Variants in NDUFA12 observed in about 807,000 individuals in gnomAD.
NDUFA12 encodes the protein NADH:ubiquinone oxidoreductase subunit A12, also known as NADH dehydrogenase [ubiquinone] 1 alpha subcomplex subunit 12.
A neutral mutation model predicts 20.3 loss-of-function variants in NDUFA12; 17 were observed. The ratio of observed to expected loss-of-function variants is 0.84; its 90% CI spans 0.57 to 1.26. The LOEUF (loss-of-function observed/expected upper bound fraction) is 1.26, where lower values mean the gene tolerates loss of function less well. Among genes scored for constraint, NDUFA12 ranks in the 50% most tolerant of loss-of-function variants. The pLI is 0.00. For missense variants in NDUFA12, 191 were observed against 183.7 expected, an observed-to-expected ratio of 1.04 and a Z score of -0.23; for synonymous variants, 72 against 63.6, an observed-to-expected ratio of 1.13 and a Z score of -0.63.
intron 3 of NDUFA12, among the ~76,000 whole-genome samples, chr12:94,977,486 C>T (rs535645677): frequency 6.6e-6 from 1 of 151,848 alleles, no homozygotes; most frequent in Non-Finnish European, 1.5e-5. Context: ...AAAAAAACAC[C>T]CCTCCGCCCC....
intron 3 of NDUFA12, among the ~76,000 whole-genome samples, chr12:94,980,487 T>C (rs7297214): frequency 0.87 from 132,236 of 152,076 alleles, 57,593 homozygotes; most frequent in Admixed American, 0.91. Context: ...ACCACCACGA[T>C]GTTAAGCATC....
At chr12:94,996,330 C>T (rs1001665618) in intron 2 of NDUFA12, among the ~76,000 whole-genome samples, 5 of 41,356 alleles carry the variant, frequency 1.2e-4, no homozygotes, top group African/African-American at 3.3e-4. Flanking sequence ...TAGGTACACA[C>T]ACACACACAC....
intron 3 of NDUFA12, among the ~76,000 whole-genome samples, chr12:94,973,021 C>A (rs1366536807): frequency 6.9e-6 from 1 of 144,190 alleles, no homozygotes; most frequent in Non-Finnish European, 1.5e-5. Flanking sequence ...AACTGCAGCC[C>A]GGGGGTGGGG....
rs1018076990 is a variant in NDUFA12, at chr12:94,971,422, A to G, written c.*18T>C. 5.5e-5 allele frequency: 89 copies of G among 1,612,132 alleles called. No individual in the cohort carries two copies. Among genetic ancestry groups the G allele is most frequent in the Non-Finnish European group, 7.5e-5 (88 of 1,178,162 alleles). The stretch of plus-strand genomic sequence containing the variant: ...AAAAGCTCCATATTTTGCATGTTTC[A>G]ACTGTTCTTCATTGTCTTTACTTGT... On this transcript the variant is annotated 3_prime_UTR_variant, in exon 4 of 4. Coordinates refer to ENST00000327772, the MANE Select transcript of NDUFA12 (RefSeq NM_018838.5).
intron 2 of NDUFA12, among the ~76,000 whole-genome samples, chr12:95,002,304 G>T (rs1196372294): frequency 6.6e-6 from 1 of 151,570 alleles, no homozygotes; most frequent in Non-Finnish European, 1.5e-5. Context: ...AGCCGGCCAT[G>T]GTGGCGCCCG....
Position 95,001,046 on chromosome 12 carries a change from C to T in NDUFA12, c.169+1693G>A, listed in dbSNP as rs375606907. On this transcript the variant is annotated intron_variant, in intron 2 of 3. Coordinates refer to ENST00000327772, the MANE Select transcript of NDUFA12 (RefSeq NM_018838.5). ...ATTTACTAGCACGGTGGCTCATGCCCGTGATCCCAGCACTTTGGGAGGCTG... is the reference window on the plus strand; with the variant it reads ...ATTTACTAGCACGGTGGCTCATGCCTGTGATCCCAGCACTTTGGGAGGCTG... Among the ~76,000 whole-genome samples the T allele has an allele frequency of 6.6e-5, 10 of 152,146 alleles. No homozygotes were observed. The East Asian group carries it at 9.6e-4, about 15-fold the overall frequency.
intron 3 of NDUFA12, among the ~76,000 whole-genome samples, chr12:94,981,266 C>T (rs1257090238): frequency 4.9e-5 from 4 of 81,504 alleles, no homozygotes; most frequent in Non-Finnish European, 7.2e-5. Context: ...ACTGTCTCTA[C>T]TAAATACATA....
rs1875153493 is a variant in NDUFA12, at chr12:95,003,666, C to T, written c.15G>A (p.Gln5=). ...TCTGCTGCAGCCCGCGTTTCAGGACCTGCACTAACTCCATCTTGCCTCGCT... is the reference window on the plus strand; with the variant it reads ...TCTGCTGCAGCCCGCGTTTCAGGACTTGCACTAACTCCATCTTGCCTCGCT... The part of the protein sequence containing the change: MELV[Q]VLKRGLQQIT... Residue 5 remains glutamine, a synonymous_variant, in exon 1 of 4, where the codon CAG becomes CAA. Coordinates refer to ENST00000327772, the MANE Select transcript of NDUFA12 (RefSeq NM_018838.5). 6.2e-7 allele frequency: 1 copy of T among 1,614,088 alleles called. No homozygotes were observed. Among genetic ancestry groups the T allele is most frequent in the Non-Finnish European group, 8.5e-7 (1 of 1,180,058 alleles).
chr12:95,002,593 C>G, intron 2 of NDUFA12, 146 bp downstream of exon 2: 1 of 687,224 alleles, frequency 1.5e-6, no homozygotes, highest in Non-Finnish European at 2.5e-6. Flanking sequence ...TTTCTTTTTT[C>G]TGTAAATTAT....
Position 95,003,671 on chromosome 12 carries a change from C to T in NDUFA12, c.10G>A (p.Val4Met), listed in dbSNP as rs1393938292. The change falls in exon 1 of 4, where the codon GTG becomes ATG. Residue 4 changes from valine to methionine, a missense_variant. By Grantham distance (21) the Val-to-Met change is conservative. Coordinates refer to ENST00000327772, the MANE Select transcript of NDUFA12 (RefSeq NM_018838.5). Reference protein sequence around the residue: MELVQVLKRGLQQI... With the variant: MELMQVLKRGLQQI... Reference sequence around the variant, plus strand: ...TGCAGCCCGCGTTTCAGGACCTGCACTAACTCCATCTTGCCTCGCTGGCCC... The same window carrying T: ...TGCAGCCCGCGTTTCAGGACCTGCATTAACTCCATCTTGCCTCGCTGGCCC... 9 of 1,614,212 alleles carry T rather than the reference C, an allele frequency of 5.6e-6. No individual in the cohort carries two copies. Among genetic ancestry groups the T allele is most frequent in the Non-Finnish European group, 5.9e-6 (7 of 1,180,048 alleles).
intron 1 of NDUFA12, 41 bp downstream of exon 1, chr12:95,003,554 G>A: frequency 3.1e-6 from 5 of 1,599,314 alleles, no homozygotes; most frequent in African/African-American, 2.7e-5. Flanking sequence ...GCCAGCGAAA[G>A]TCCAGCCCCA....
intron 3 of NDUFA12, among the ~76,000 whole-genome samples, chr12:94,985,171 T>A (rs188446579): frequency 6.6e-6 from 1 of 151,832 alleles, no homozygotes; most frequent in African/African-American, 2.4e-5. Flanking sequence ...AAAAAAATTT[T>A]TAAATTAGTC....
chr12:94,988,287 G>C (rs1874519842), intron 3 of NDUFA12, among the ~76,000 whole-genome samples: 1 of 152,124 alleles, frequency 6.6e-6, no homozygotes, highest in South Asian at 2.1e-4. Flanking sequence ...TTACTTTCCT[G>C]ATATTTATGG....
intron 3 of NDUFA12, among the ~76,000 whole-genome samples, chr12:94,974,225 G>A (rs2136057770): frequency 6.6e-6 from 1 of 152,110 alleles, no homozygotes; most frequent in Admixed American, 6.6e-5. Flanking sequence ...GCCCGCCTCG[G>A]CCTCCCAAAG....
intron 3 of NDUFA12, among the ~76,000 whole-genome samples, chr12:94,976,097 T>C (rs1874057119): frequency 6.6e-6 from 1 of 152,180 alleles, no homozygotes; most frequent in Non-Finnish European, 1.5e-5. Context: ...ATATATGTTT[T>C]AAAAGCGGGT....
intron 3 of NDUFA12, among the ~76,000 whole-genome samples, chr12:94,990,171 C>T (rs1356980919): frequency 6.6e-6 from 1 of 151,864 alleles, no homozygotes; most frequent in Non-Finnish European, 1.5e-5. Flanking sequence ...AGCAAACCAT[C>T]ATGGCACATG....
At chr12:95,002,921 G>C (rs1875110767) in intron 1 of NDUFA12, 100 bp from the exon 2 acceptor site, 1 of 988,940 alleles carries the variant, frequency 1.0e-6, no homozygotes, top group Admixed American at 1.7e-5. Context: ...CACAAGGGCT[G>C]CTGCATCAAC....
Position 94,975,394 on chromosome 12 carries a change from A to G in NDUFA12, c.258-3774T>C, listed in dbSNP as rs113259877. ...TAATCAAGGCAATGCACATTAAGGT[A>G]TAATTTTTTACTTGCTAAATTAGCA... is the stretch of plus-strand genomic sequence containing the variant. On this transcript the variant is annotated intron_variant, in intron 3 of 3. Transcript: ENST00000327772. Among the ~76,000 whole-genome samples the G allele has an allele frequency of 7.7e-3, 1,169 of 152,360 alleles. 12 individuals carry two copies. Among genetic ancestry groups the G allele is most frequent in the African/African-American group, 0.026 (1,090 of 41,596 alleles).
intron 3 of NDUFA12, among the ~76,000 whole-genome samples, chr12:94,992,904 G>GACCAT (rs1478190538): frequency 6.6e-6 from 1 of 152,158 alleles, no homozygotes. Flanking sequence ...AAAAACTATG[G>GACCAT]AGAGAGAAAC....
Sources: gnomAD v4.1 joint callset for allele counts (sites outside exome capture counted in the v4.1 genomes callset) on GRCh38, gnomAD v4.1.1 for gene constraint, MANE v1.5 for transcripts, NCBI Gene and HGNC (gene_info 2026-07-23, HGNC 2026-07-21) for gene names.